The following CNBD1 variants were observed in gnomAD, a reference collection of about 807,000 sequenced individuals.
CNBD1 encodes cyclic nucleotide binding domain containing 1, also known as cyclic nucleotide-binding domain-containing protein 1.
A neutral mutation model predicts 54.4 loss-of-function variants in CNBD1; 71 were observed. That is an observed-to-expected ratio of 1.30 (90% CI 1.08 to 1.59). The LOEUF is 1.59. Ranked by LOEUF, CNBD1 falls within the 40% of genes most tolerant of loss-of-function variation. The probability of loss-of-function intolerance (pLI) is 0.00; values close to 1 mark genes in which losing one functional copy is unlikely to be tolerated. For synonymous variants in CNBD1, 182 were observed against 170.7 expected (o/e 1.07, Z -0.51); for missense variants, 659 against 518.0 (o/e 1.27, Z -2.64).
At chr8:86,892,591 C>T (rs1586116071) in intron 2 of CNBD1, among the ~76,000 whole-genome samples, 1 of 152,036 alleles carries the variant, frequency 6.6e-6, no homozygotes, top group Non-Finnish European at 1.5e-5. Context: ...AAGAAAATAA[C>T]ATTTTAAGAT....
At chr8:87,158,991 G>A (rs184091558) in intron 4 of CNBD1, among the ~76,000 whole-genome samples, 2 of 152,192 alleles carry the variant, frequency 1.3e-5, no homozygotes, top group East Asian at 3.9e-4. Flanking sequence ...TACAATTTGA[G>A]GAAGGCTTAT....
At chr8:87,363,615 G>T (rs1413675154) in intron 10 of CNBD1, among the ~76,000 whole-genome samples, 2 of 152,046 alleles carry the variant, frequency 1.3e-5, no homozygotes, top group East Asian at 3.9e-4. Context: ...GTGATGATGA[G>T]CTTTTTTTCA....
intron 4 of CNBD1, among the ~76,000 whole-genome samples, chr8:86,957,862 C>G (rs1037915957): frequency 5.6e-4 from 85 of 151,892 alleles, no homozygotes; most frequent in Non-Finnish European, 5.4e-4. Flanking sequence ...TATTTCTTAC[C>G]TTCTGCTAGC....
intron 3 of CNBD1, among the ~76,000 whole-genome samples, chr8:86,929,638 C>CA (rs1443654751): frequency 6.6e-6 from 1 of 152,148 alleles, no homozygotes; most frequent in Admixed American, 6.6e-5. Context: ...TTGAAGGCTG[C>CA]ACACATGCGA....
intron 1 of CNBD1, among the ~76,000 whole-genome samples, chr8:86,873,261 C>T (rs1361144933): frequency 6.6e-6 from 1 of 151,774 alleles, no homozygotes; most frequent in African/African-American, 2.4e-5. Context: ...GCCACCACAC[C>T]CGGCTAATTT....
intron 4 of CNBD1, among the ~76,000 whole-genome samples, chr8:87,108,742 T>C (rs952611052): frequency 6.6e-5 from 10 of 152,224 alleles, no homozygotes; most frequent in Admixed American, 5.9e-4. Context: ...ACTTACCTTT[T>C]CTTTACCTGG....
At chr8:86,877,629 A>T (rs892870661) in intron 1 of CNBD1, among the ~76,000 whole-genome samples, 2 of 152,172 alleles carry the variant, frequency 1.3e-5, no homozygotes. Flanking sequence ...TTAGCTGCTA[A>T]TCGAGTAACA....
intron 4 of CNBD1, among the ~76,000 whole-genome samples, chr8:87,199,832 A>G (rs1307458942): frequency 6.6e-6 from 1 of 152,112 alleles, no homozygotes; most frequent in Admixed American, 6.6e-5. Context: ...ATATACCTGT[A>G]TTGTTTTATT....
chr8:87,419,941 A>T (rs1262702605), intron 2 of CNBD1, among the ~76,000 whole-genome samples: 1 of 148,770 alleles, frequency 6.7e-6, no homozygotes, highest in Non-Finnish European at 1.5e-5. Context: ...AACCTCATTA[A>T]TAAAAATATA....
At chr8:87,272,245 C>T (rs11786513) in intron 6 of CNBD1, among the ~76,000 whole-genome samples, 42,768 of 151,578 alleles carry the variant, frequency 0.28, 6,477 homozygotes, top group African/African-American at 0.39. Flanking sequence ...TTAGAATGAT[C>T]CTAGATAAAA....
intron 4 of CNBD1, among the ~76,000 whole-genome samples, chr8:86,960,148 G>T (rs946087226): frequency 6.6e-6 from 1 of 152,134 alleles, no homozygotes; most frequent in Admixed American, 6.5e-5. Context: ...CGGATAGTGG[G>T]TGCAGCCCAC....
intron 6 of CNBD1, among the ~76,000 whole-genome samples, chr8:87,265,536 A>C (rs1366957316): frequency 6.6e-6 from 1 of 152,058 alleles, no homozygotes; most frequent in African/African-American, 2.4e-5. Flanking sequence ...ATAATGGGAT[A>C]ATAATTTTAT....
chr8:87,027,013 C>T (rs1809661828), intron 4 of CNBD1, among the ~76,000 whole-genome samples: 2 of 152,040 alleles, frequency 1.3e-5, no homozygotes, highest in African/African-American at 4.8e-5. Flanking sequence ...TTTAAAGCCA[C>T]CTTGTTTGTT....
At chr8:86,946,141 CAA>C (rs1368865369) in intron 4 of CNBD1, among the ~76,000 whole-genome samples, 1 of 152,154 alleles carries the variant, frequency 6.6e-6, no homozygotes, top group East Asian at 1.9e-4. Context: ...TGCTTTTTAA[CAA>C]AAGACTTTGC....
intron 8 of CNBD1, among the ~76,000 whole-genome samples, chr8:87,327,438 G>A (rs13272917): frequency 0.28 from 42,631 of 151,886 alleles, 6,687 homozygotes; most frequent in Middle Eastern, 0.41. Context: ...TCAGACTGCT[G>A]TGCTAGCAAT....
chr8:87,220,586 AT>A (rs1586338608), intron 5 of CNBD1, among the ~76,000 whole-genome samples: 2 of 151,410 alleles, frequency 1.3e-5, no homozygotes, highest in African/African-American at 2.4e-5. Flanking sequence ...TGATTTTCAA[AT>A]TCATAGGTTT....
At chr8:87,057,675 C>T (rs530073946) in intron 4 of CNBD1, among the ~76,000 whole-genome samples, 2 of 152,190 alleles carry the variant, frequency 1.3e-5, no homozygotes, top group South Asian at 2.1e-4. Flanking sequence ...ATGGTGAAAC[C>T]CTGTCCCTAC....
chr8:87,131,874 G>T (rs1279328113), intron 4 of CNBD1, among the ~76,000 whole-genome samples: 8 of 151,906 alleles, frequency 5.3e-5, no homozygotes, highest in Admixed American at 4.6e-4. Context: ...CATTGAAAAA[G>T]ACTTTCTTCA....
intron 6 of CNBD1, among the ~76,000 whole-genome samples, chr8:87,265,776 G>A (rs755515344): frequency 6.6e-6 from 1 of 151,926 alleles, no homozygotes; most frequent in East Asian, 1.9e-4. Context: ...GAAACTATAT[G>A]GTCTGCAAAA....
Sources: gnomAD v4.1 joint callset for allele counts (sites outside exome capture counted in the v4.1 genomes callset) on GRCh38, gnomAD v4.1.1 for gene constraint, MANE v1.5 for transcripts, NCBI Gene and HGNC (gene_info 2026-07-23, HGNC 2026-07-21) for gene names.